Variants in DLGAP2 observed in about 807,000 individuals in gnomAD.
DLGAP2 encodes the protein disks large-associated protein 2.
In DLGAP2, 26 loss-of-function variants were observed where a neutral mutation model predicts 100.3. The ratio of observed to expected loss-of-function variants is 0.26; its 90% CI spans 0.19 to 0.36. The LOEUF is 0.36. Among genes scored for constraint, DLGAP2 ranks in the 10% least tolerant of loss-of-function variants. The probability of loss-of-function intolerance (pLI) is 1.00; values close to 1 mark genes in which losing one functional copy is unlikely to be tolerated. For synonymous variants in DLGAP2, 886 were observed against 630.1 expected, an observed-to-expected ratio of 1.41 and a Z score of -6.08; for missense variants, 1,858 against 1,453.2, an observed-to-expected ratio of 1.28 and a Z score of -4.53.
rs546840161 is a variant in DLGAP2, at chr8:882,230, A to G, written c.19-25682A>G. On this transcript the variant is annotated intron_variant, in intron 1 of 14. Transcript: ENST00000637795. ...GGGATTTATCTAATTTAGTTAGCAC[A>G]TCATCAGAGATCTGCGGAGGCCTCT... Among the ~76,000 whole-genome samples, 9 of 135,320 alleles carry G rather than the reference A, an allele frequency of 6.7e-5. No homozygotes were observed. In the East Asian group the frequency reaches 1.8e-3, roughly 26 times the overall value. 88.8% of individuals were successfully genotyped at this position (135,320 alleles called of 152,430 possible). A position where few individuals can be genotyped will look rare whatever the true frequency, so the allele number is the denominator to read the frequency against.
At chr8:1,546,327 A>G (rs1423702465) in intron 4 of DLGAP2, among the ~76,000 whole-genome samples, 1 of 152,158 alleles carries the variant, frequency 6.6e-6, no homozygotes, top group Admixed American at 6.5e-5. Flanking sequence ...TCAGTGGGAG[A>G]AACAGCCCCA....
intron 2 of DLGAP2, among the ~76,000 whole-genome samples, chr8:1,242,128 C>A (rs1798809976): frequency 6.6e-6 from 1 of 152,162 alleles, no homozygotes; most frequent in Non-Finnish European, 1.5e-5. Flanking sequence ...GAACAGAAAT[C>A]CCATAGCTTA....
chr8:1,022,428 C>A (rs1245133117), intron 2 of DLGAP2, among the ~76,000 whole-genome samples: 2 of 150,432 alleles, frequency 1.3e-5, no homozygotes, highest in Non-Finnish European at 3.0e-5. Flanking sequence ...ACCCACCCTC[C>A]CTGGGAGTGG....
In DLGAP2 at chr8:1,549,178, A is replaced by C; in HGVS notation, c.725A>C (p.Lys242Thr). Residue 242 changes from lysine (K) to threonine (T), a missense_variant, in exon 5 of 15, where the codon AAG (lysine) becomes ACG (threonine). Physicochemically the swap from Lys to Thr is moderately conservative, Grantham distance 78 (BLOSUM62 -1). Transcript: ENST00000637795. ...CACTCCGTGCAGAAGCTCTTCACCA[A>C]GTCGCACTCGCTGGAGGGCTCCTCC... is the stretch of plus-strand genomic sequence containing the variant. ...LVHSVQKLFT[K>T]SHSLEGSSKS... The C allele has an allele frequency of 1.3e-6, 2 of 1,599,386 alleles. No homozygotes were observed. The highest frequency in any genetic ancestry group is 1.7e-6 in the Non-Finnish European group (2 of 1,173,948).
chr8:956,863 G>C (rs1011166816), intron 2 of DLGAP2, among the ~76,000 whole-genome samples: 1 of 152,202 alleles, frequency 6.6e-6, no homozygotes, highest in African/African-American at 2.4e-5. Context: ...TGGTTGTCCA[G>C]CAACTTGCTT....
At chr8:960,054 T>C (rs1447974685) in intron 2 of DLGAP2, among the ~76,000 whole-genome samples, 1 of 152,010 alleles carries the variant, frequency 6.6e-6, no homozygotes, top group East Asian at 1.9e-4. Context: ...TCTTCAACCC[T>C]TAAGTTTTCT....
At chr8:1,376,373 G>A (rs1299381836) in intron 3 of DLGAP2, among the ~76,000 whole-genome samples, 2 of 152,360 alleles carry the variant, frequency 1.3e-5, no homozygotes, top group South Asian at 2.1e-4. Flanking sequence ...GGCCACGGGG[G>A]CCTGCAGAGA....
At chr8:1,309,010 A>C (rs1800553835) in intron 3 of DLGAP2, among the ~76,000 whole-genome samples, 1 of 152,178 alleles carries the variant, frequency 6.6e-6, no homozygotes, top group African/African-American at 2.4e-5. Flanking sequence ...CAGGTAGAGG[A>C]AAGTGTCTAC....
At chr8:1,220,171 G>A (rs4642677) in intron 2 of DLGAP2, among the ~76,000 whole-genome samples, 36,763 of 151,794 alleles carry the variant, frequency 0.24, 5,160 homozygotes, top group South Asian at 0.43. Context: ...GTTTGCTCTT[G>A]GTTTTCTAGT....
chr8:763,156 G>A (rs888763141), intron 1 of DLGAP2, among the ~76,000 whole-genome samples: 4 of 152,222 alleles, frequency 2.6e-5, no homozygotes, highest in African/African-American at 7.2e-5. Flanking sequence ...CTGAGCCCAG[G>A]CTGACCGTGC....
At chr8:1,208,008 C>T (rs895003670) in intron 2 of DLGAP2, among the ~76,000 whole-genome samples, 5 of 152,084 alleles carry the variant, frequency 3.3e-5, no homozygotes, top group African/African-American at 7.2e-5. Context: ...TTCTCCCACT[C>T]GGTGGGTTGT....
intron 6 of DLGAP2, among the ~76,000 whole-genome samples, chr8:1,582,713 C>T (rs1206001873): frequency 2.0e-5 from 3 of 152,150 alleles, no homozygotes; most frequent in African/African-American, 4.8e-5. Context: ...CCTCAGCCTC[C>T]CGAGCAGCTG....
At chr8:755,948 G>T (rs1420883399) in intron 1 of DLGAP2, among the ~76,000 whole-genome samples, 1 of 152,204 alleles carries the variant, frequency 6.6e-6, no homozygotes, top group African/African-American at 2.4e-5. Context: ...ACAGGTGGTC[G>T]GGGGATCCAG....
intron 2 of DLGAP2, among the ~76,000 whole-genome samples, chr8:1,112,519 C>T (rs762783820): frequency 7.9e-5 from 12 of 152,118 alleles, no homozygotes; most frequent in African/African-American, 2.9e-4. Context: ...GGATTGCAGG[C>T]GTGAGCCACC....
intron 2 of DLGAP2, among the ~76,000 whole-genome samples, chr8:1,164,327 G>C (rs1323659995): frequency 1.7e-5 from 2 of 117,774 alleles, no homozygotes; most frequent in Admixed American, 8.5e-5. Context: ...TGTGGGGACA[G>C]ATTTTTCTGT....
intron 3 of DLGAP2, among the ~76,000 whole-genome samples, chr8:1,388,320 T>G (rs13267406): frequency 2.2e-5 from 1 of 46,000 alleles, no homozygotes; most frequent in Non-Finnish European, 3.9e-5. Flanking sequence ...GATGAGGAGG[T>G]GCTGGTTCAA....
intron 2 of DLGAP2, among the ~76,000 whole-genome samples, chr8:1,042,530 G>A (rs1486169407): frequency 3.3e-5 from 5 of 152,194 alleles, no homozygotes; most frequent in Admixed American, 6.5e-5. Flanking sequence ...GAGAAGAGCC[G>A]TGAAGCGTAG....
intron 1 of DLGAP2, among the ~76,000 whole-genome samples, chr8:858,512 G>C (rs191800206): frequency 6.7e-6 from 1 of 149,384 alleles, no homozygotes; most frequent in Non-Finnish European, 1.5e-5. Context: ...CACATGTGTG[G>C]TGCTGTCACC....
intron 2 of DLGAP2, among the ~76,000 whole-genome samples, chr8:1,026,169 G>C (rs1801794242): frequency 6.6e-6 from 1 of 152,144 alleles, no homozygotes; most frequent in Admixed American, 6.5e-5. Flanking sequence ...TGTGAAAATG[G>C]AATCGTTGTC....
Sources: gnomAD v4.1 joint callset for allele counts (sites outside exome capture counted in the v4.1 genomes callset) on GRCh38, gnomAD v4.1.1 for gene constraint, MANE v1.5 for transcripts, NCBI Gene and HGNC (gene_info 2026-07-23, HGNC 2026-07-21) for gene names.